The following MBOAT1 variants were observed in gnomAD, a reference collection of about 807,000 sequenced individuals.
MBOAT1 encodes the protein membrane-bound glycerophospholipid O-acyltransferase 1.
A neutral mutation model predicts 64.4 loss-of-function variants in MBOAT1; 67 were observed. The ratio of observed to expected loss-of-function variants is 1.04; its 90% CI spans 0.85 to 1.27. The LOEUF (loss-of-function observed/expected upper bound fraction) is 1.27. MBOAT1 is among the 50% of genes most tolerant of loss of function. The pLI, the probability that MBOAT1 is intolerant of heterozygous loss-of-function variation, is 0.00. For synonymous variants in MBOAT1, 229 were observed against 218.9 expected, an observed-to-expected ratio of 1.05 and a Z score of -0.41; for missense variants, 563 against 604.6, an observed-to-expected ratio of 0.93 and a Z score of 0.72.
chr6:20,159,199 C>A (rs1478329590), intron 1 of MBOAT1, among the ~76,000 whole-genome samples: 2 of 152,038 alleles, frequency 1.3e-5, no homozygotes, highest in East Asian at 3.9e-4. Flanking sequence ...CTGTTAGGAA[C>A]CAGGCCACAC....
intron 1 of MBOAT1, among the ~76,000 whole-genome samples, chr6:20,208,161 T>C (rs920555398): frequency 3.3e-5 from 5 of 151,978 alleles, no homozygotes; most frequent in Non-Finnish European, 7.4e-5. Context: ...AGAAACTTTG[T>C]AGTCGGCCGG....
intron 1 of MBOAT1, among the ~76,000 whole-genome samples, chr6:20,209,966 C>T (rs945405106): frequency 6.6e-6 from 1 of 152,230 alleles, no homozygotes; most frequent in African/African-American, 2.4e-5. Context: ...ACTTTCCCCT[C>T]CAGCTGCCCC....
intron 12 of MBOAT1, among the ~76,000 whole-genome samples, chr6:20,108,790 T>G (rs1054479637): frequency 6.6e-6 from 1 of 152,236 alleles, no homozygotes; most frequent in African/African-American, 2.4e-5. Context: ...CACATTTATC[T>G]CATTAATTCT....
intron 1 of MBOAT1, among the ~76,000 whole-genome samples, chr6:20,163,344 T>C (rs377355193): frequency 1.1e-4 from 16 of 152,338 alleles, no homozygotes; most frequent in African/African-American, 3.4e-4. Flanking sequence ...TGTTAACCAG[T>C]TAAAAATGTT....
chr6:20,111,885 T>TACATATATATAC (rs1554115587), intron 11 of MBOAT1, among the ~76,000 whole-genome samples: 23 of 140,932 alleles, frequency 1.6e-4, no homozygotes, highest in East Asian at 6.0e-4. Flanking sequence ...TATATGTATA[T>TACATATATATAC]ATATATATTC....
chr6:20,201,641 C>T (rs113118232), intron 1 of MBOAT1, among the ~76,000 whole-genome samples: 4,545 of 149,672 alleles, frequency 0.03, 220 homozygotes, highest in African/African-American at 0.11. Context: ...AGTGCAGTGG[C>T]GTGATCTCAG....
intron 8 of MBOAT1, among the ~76,000 whole-genome samples, chr6:20,124,122 C>T (rs1760581092): frequency 6.6e-6 from 1 of 152,128 alleles, no homozygotes; most frequent in Non-Finnish European, 1.5e-5. Flanking sequence ...CTTTACATGG[C>T]CAACTTTGAT....
chr6:20,151,939 G>A (rs575178040), intron 2 of MBOAT1, among the ~76,000 whole-genome samples: 1 of 152,114 alleles, frequency 6.6e-6, no homozygotes, highest in East Asian at 1.9e-4. Flanking sequence ...CAACATCTAC[G>A]ATAGTTAGGA....
At chr6:20,126,386 G>T in intron 7 of MBOAT1, 131 bp downstream of exon 7, 1 of 764,284 alleles carries the variant, frequency 1.3e-6, no homozygotes, top group Non-Finnish European at 2.1e-6. Flanking sequence ...AACTATACTG[G>T]TATTTTAAAT....
intron 1 of MBOAT1, among the ~76,000 whole-genome samples, chr6:20,199,009 A>G (rs982984961): frequency 2.2e-4 from 34 of 152,262 alleles, no homozygotes; most frequent in Non-Finnish European, 1.3e-4. Flanking sequence ...AGTTTTGGCC[A>G]ATCAAATGTA....
chr6:20,108,677 T>C (rs1581393258), intron 12 of MBOAT1, among the ~76,000 whole-genome samples: 1 of 152,380 alleles, frequency 6.6e-6, no homozygotes, highest in African/African-American at 2.4e-5. Flanking sequence ...AATGATACGA[T>C]GTTCCAAAGT....
intron 1 of MBOAT1, among the ~76,000 whole-genome samples, chr6:20,190,189 T>C (rs897308573): frequency 6.6e-6 from 1 of 152,050 alleles, no homozygotes; most frequent in Non-Finnish European, 1.5e-5. Context: ...GAGATGGAGT[T>C]CCACTATGTT....
rs1165201234 is a variant in MBOAT1 at position 20,131,153 on chromosome 6, C to G, written c.466G>C (p.Val156Leu). Reference protein sequence around the residue: ...TQKITTLAFQVHDGLGRRAED... With the variant: ...TQKITTLAFQLHDGLGRRAED... ...GGGCTGCTGTTCTTACCATCATGAA[C>G]CTGGAATGCCAAGGTTGTGATCTTC... is the stretch of plus-strand genomic sequence containing the variant. The change falls in exon 5 of 13, where the codon GTT becomes CTT. Residue 156 changes from valine (V) to leucine (L), a missense_variant. By Grantham distance (32) the Val-to-Leu change is conservative. Transcript: ENST00000324607. 6.8e-6 allele frequency: 11 copies of G among 1,613,844 alleles called. No homozygotes were observed. Among genetic ancestry groups the G allele is most frequent in the East Asian group, 4.5e-5 (2 of 44,876 alleles).
intron 8 of MBOAT1, among the ~76,000 whole-genome samples, chr6:20,122,740 C>T (rs907853806): frequency 6.6e-6 from 1 of 151,952 alleles, no homozygotes; most frequent in African/African-American, 2.4e-5. Flanking sequence ...GTGATAGTGG[C>T]ACAGTATTGT....
At chr6:20,171,337 G>C (rs1038475369) in intron 1 of MBOAT1, among the ~76,000 whole-genome samples, 12 of 146,790 alleles carry the variant, frequency 8.2e-5, no homozygotes, top group Admixed American at 5.5e-4. Flanking sequence ...AGGAGTTCAA[G>C]ACCGGCCGGG....
At position 20,212,406 on chromosome 6, in the gene MBOAT1, C is replaced by G. The variant is rs1763468779; in HGVS notation, c.-172G>C. On this transcript the variant is annotated 5_prime_UTR_variant, in exon 1 of 13. Coordinates refer to ENST00000324607, the MANE Select transcript of MBOAT1 (RefSeq NM_001080480.3). Reference sequence around the variant, plus strand: ...CGAACCGGCGCAAACTCTCGAGGCGCAAACTCTCGAGGCGCAAACTTGGCT... The same window carrying G: ...CGAACCGGCGCAAACTCTCGAGGCGGAAACTCTCGAGGCGCAAACTTGGCT... 1.6e-6 allele frequency: 1 copy of G among 626,832 alleles called. No homozygotes were observed. Among genetic ancestry groups the G allele is most frequent in the African/African-American group, 1.9e-5 (1 of 52,814 alleles). The allele number at this position is 626,832 out of a possible 1,614,324, so 38.8% of individuals were successfully genotyped here.
intron 1 of MBOAT1, among the ~76,000 whole-genome samples, chr6:20,204,397 T>C (rs1197509229): frequency 6.6e-6 from 1 of 152,218 alleles, no homozygotes; most frequent in Admixed American, 6.5e-5. Context: ...TTTAGCCCAC[T>C]AGCATACAGC....
At chr6:20,151,731 A>C (rs922199134) in intron 2 of MBOAT1, among the ~76,000 whole-genome samples, 1 of 152,150 alleles carries the variant, frequency 6.6e-6, no homozygotes, top group Non-Finnish European at 1.5e-5. Flanking sequence ...ACTTCTCAAT[A>C]TGTTGGTTTC....
At chr6:20,183,846 G>C (rs1762572997) in intron 1 of MBOAT1, among the ~76,000 whole-genome samples, 1 of 152,242 alleles carries the variant, frequency 6.6e-6, no homozygotes, top group South Asian at 2.1e-4. Context: ...AGCTCCACAT[G>C]GCTGGGGAGG....
Sources: gnomAD v4.1 joint callset for allele counts (sites outside exome capture counted in the v4.1 genomes callset) on GRCh38, gnomAD v4.1.1 for gene constraint, MANE v1.5 for transcripts, NCBI Gene and HGNC (gene_info 2026-07-23, HGNC 2026-07-21) for gene names.